The following MEGF9 variants were observed in gnomAD, a reference collection of about 807,000 sequenced individuals.
MEGF9 encodes multiple epidermal growth factor-like domains protein 9.
MEGF9 carries 6 observed loss-of-function variants against 46.8 expected under a neutral mutation model. That is an observed-to-expected ratio of 0.13 (90% CI 0.07 to 0.25). The LOEUF (loss-of-function observed/expected upper bound fraction) is 0.25, where lower values mean the gene tolerates loss of function less well. MEGF9 is among the 10% of genes least tolerant of loss of function. The pLI is 1.00. For synonymous variants in MEGF9, 302 were observed against 330.7 expected (o/e 0.91, Z 0.94); for missense variants, 683 against 792.4 (o/e 0.86, Z 1.66).
intron 1 of MEGF9, among the ~76,000 whole-genome samples, chr9:120,664,297 T>C (rs2043715578): frequency 6.6e-6 from 1 of 152,204 alleles, no homozygotes; most frequent in African/African-American, 2.4e-5. Context: ...GCATTAATGA[T>C]GGGAGTTTTT....
At chr9:120,694,312 T>C (rs2132339789) in intron 1 of MEGF9, among the ~76,000 whole-genome samples, 2 of 152,380 alleles carry the variant, frequency 1.3e-5, no homozygotes, top group African/African-American at 4.8e-5. Flanking sequence ...TAGATTCAGG[T>C]TCTTTATTTG....
At chr9:120,616,296 G>A (rs182014638) in intron 3 of MEGF9, among the ~76,000 whole-genome samples, 2 of 151,802 alleles carry the variant, frequency 1.3e-5, no homozygotes, top group Non-Finnish European at 2.9e-5. Context: ...AGACCATAAC[G>A]TTTAAAACCT....
intron 1 of MEGF9, among the ~76,000 whole-genome samples, chr9:120,710,424 T>TA (rs61674473): frequency 0.073 from 7,259 of 99,950 alleles, 916 homozygotes; most frequent in African/African-American, 0.26. Context: ...AACTCCGTCT[T>TA]AAAAAAAAAA....
intron 4 of MEGF9, among the ~76,000 whole-genome samples, chr9:120,610,839 G>T (rs1357306363): frequency 1.3e-5 from 2 of 152,020 alleles, no homozygotes; most frequent in East Asian, 3.9e-4. Context: ...CCACAAAATA[G>T]AAAAAATATT....
At chr9:120,683,442 T>C (rs571657403) in intron 1 of MEGF9, among the ~76,000 whole-genome samples, 1 of 152,190 alleles carries the variant, frequency 6.6e-6, no homozygotes, top group South Asian at 2.1e-4. Flanking sequence ...GTTTCCCTCA[T>C]GCTCTTCTAG....
intron 4 of MEGF9, among the ~76,000 whole-genome samples, chr9:120,610,729 T>A (rs1373744600): frequency 6.6e-6 from 1 of 152,172 alleles, no homozygotes; most frequent in Non-Finnish European, 1.5e-5. Flanking sequence ...AGGGACAGGA[T>A]AATTTCCTAC....
chr9:120,627,613 C>G (rs2043530821), intron 2 of MEGF9, among the ~76,000 whole-genome samples: 1 of 152,128 alleles, frequency 6.6e-6, no homozygotes, highest in African/African-American at 2.4e-5. Context: ...CAGGCATGCA[C>G]TATCACGCCC....
intron 3 of MEGF9, among the ~76,000 whole-genome samples, chr9:120,618,089 A>G (rs2043480173): frequency 6.6e-6 from 1 of 152,226 alleles, no homozygotes; most frequent in Admixed American, 6.5e-5. Flanking sequence ...TCTGATAATA[A>G]GCACATATAT....
At chr9:120,625,063 C>T (rs936617310) in intron 2 of MEGF9, among the ~76,000 whole-genome samples, 1 of 152,012 alleles carries the variant, frequency 6.6e-6, no homozygotes. Flanking sequence ...CACTTGAGCC[C>T]AGGAGTTCTA....
At chr9:120,621,206 C>T (rs746530951) in intron 3 of MEGF9, among the ~76,000 whole-genome samples, 1 of 152,198 alleles carries the variant, frequency 6.6e-6, no homozygotes, top group Non-Finnish European at 1.5e-5. Context: ...TGTCGGTTGA[C>T]ACCTTTAATC....
intron 1 of MEGF9, among the ~76,000 whole-genome samples, chr9:120,683,777 C>T (rs143775717): frequency 0.024 from 3,594 of 151,888 alleles, 152 homozygotes; most frequent in African/African-American, 0.083. Context: ...ACCTGCAGTC[C>T]CAGCTACTCA....
At chr9:120,686,570 G>A (rs556155794) in intron 1 of MEGF9, among the ~76,000 whole-genome samples, 1 of 152,294 alleles carries the variant, frequency 6.6e-6, no homozygotes, top group Admixed American at 6.5e-5. Context: ...CAGTATGCTG[G>A]TAGGCATTCC....
chr9:120,711,139 T>C (rs931662440), intron 1 of MEGF9, among the ~76,000 whole-genome samples: 1 of 152,220 alleles, frequency 6.6e-6, no homozygotes, highest in Non-Finnish European at 1.5e-5. Context: ...CCAGTGAAAG[T>C]ATTAGAGAAT....
At chr9:120,673,969 C>CAAAA (rs35650740) in intron 1 of MEGF9, among the ~76,000 whole-genome samples, 3 of 101,884 alleles carry the variant, frequency 2.9e-5, no homozygotes, top group Admixed American at 1.1e-4. Context: ...GACTCCGTCT[C>CAAAA]AAAAAAAAAA....
intron 1 of MEGF9, among the ~76,000 whole-genome samples, chr9:120,712,591 T>C (rs1417810714): frequency 6.6e-6 from 1 of 152,188 alleles, no homozygotes; most frequent in African/African-American, 2.4e-5. Flanking sequence ...GGGTGAATAA[T>C]CCTACTTATG....
intron 4 of MEGF9, 82 bp from the exon 5 acceptor site, chr9:120,608,092 G>C: frequency 6.7e-7 from 1 of 1,501,726 alleles, no homozygotes; most frequent in South Asian, 1.2e-5. Context: ...TCCTTAAAAA[G>C]ATTTATAATC....
intron 1 of MEGF9, among the ~76,000 whole-genome samples, chr9:120,713,193 A>G (rs961193904): frequency 6.6e-6 from 1 of 152,212 alleles, no homozygotes; most frequent in African/African-American, 2.4e-5. Flanking sequence ...CATGGATTAC[A>G]ATGCCTTTTT....
At chr9:120,626,005 TGAA>T (rs2043523868) in intron 2 of MEGF9, among the ~76,000 whole-genome samples, 4 of 150,302 alleles carry the variant, frequency 2.7e-5, no homozygotes, top group African/African-American at 9.8e-5. Flanking sequence ...ATAAATGCAA[TGAA>T]ACCAAAAAAG....
At chr9:120,687,668 CACTGTGTG>C (rs2043828973) in intron 1 of MEGF9, among the ~76,000 whole-genome samples, 1 of 68,890 alleles carries the variant, frequency 1.5e-5, no homozygotes, top group Non-Finnish European at 2.9e-5. Flanking sequence ...ATGAACACAA[CACTGTGTG>C]TGTGTGTGTG....
Sources: gnomAD v4.1 joint callset for allele counts (sites outside exome capture counted in the v4.1 genomes callset) on GRCh38, gnomAD v4.1.1 for gene constraint, MANE v1.5 for transcripts, NCBI Gene and HGNC (gene_info 2026-07-23, HGNC 2026-07-21) for gene names.